The following GNG7 variants were observed in gnomAD, a reference collection of about 807,000 sequenced individuals.
GNG7 encodes the protein guanine nucleotide-binding protein G(I)/G(S)/G(O) subunit gamma-7.
Under a neutral mutation model 4.0 loss-of-function variants are expected in GNG7, and 1 was observed. The observed-to-expected ratio is 0.25, with a 90% CI of 0.09 to 1.18. The LOEUF (loss-of-function observed/expected upper bound fraction) is 1.18, where lower values mean the gene tolerates loss of function less well. Among genes scored for constraint, GNG7 ranks in the 50% most tolerant of loss-of-function variants. The probability of loss-of-function intolerance (pLI) is 0.50; values close to 1 mark genes in which losing one functional copy is unlikely to be tolerated. For synonymous variants in GNG7, 34 were observed against 36.9 expected (o/e 0.92, Z 0.29); for missense variants, 86 against 91.9 (o/e 0.94, Z 0.26).
rs1185141473 is a variant in GNG7, at chr19:2,614,130, T to A, written c.-78+32094A>T. Among the ~76,000 whole-genome samples, 1 of 152,144 alleles carries A rather than the reference T, an allele frequency of 6.6e-6. No homozygotes were observed. Among genetic ancestry groups the A allele is most frequent in the East Asian group, 1.9e-4 (1 of 5,196 alleles). Reference sequence around the variant, plus strand: ...GCGAGACCACATCCTCACCACCCGGTGAACGGCACTGGGAGCAGACTCAAG... The same window carrying A: ...GCGAGACCACATCCTCACCACCCGGAGAACGGCACTGGGAGCAGACTCAAG... On this transcript the variant is annotated intron_variant, in intron 2 of 4. Transcript: ENST00000382159. The surrounding 1 kb of genome is among the most constrained non-coding windows in gnomAD (Gnocchi z 6.0).
At chr19:2,527,990 A>G (rs1436594959) in intron 3 of GNG7, among the ~76,000 whole-genome samples, 2 of 152,068 alleles carry the variant, frequency 1.3e-5, no homozygotes, top group African/African-American at 4.8e-5. Context: ...AAAATATGCT[A>G]GGCGTGGTGG....
intron 2 of GNG7, among the ~76,000 whole-genome samples, chr19:2,588,378 C>A (rs1322041135): frequency 1.3e-5 from 2 of 152,186 alleles, no homozygotes; most frequent in Non-Finnish European, 2.9e-5. Flanking sequence ...TAAACCAGCA[C>A]GACGCGGCTC....
chr19:2,635,665 C>T (rs2144847764), intron 2 of GNG7, among the ~76,000 whole-genome samples: 1 of 151,646 alleles, frequency 6.6e-6, no homozygotes, highest in Admixed American at 6.6e-5. Flanking sequence ...TCACTGCAAC[C>T]TCTGCCTCCC....
chr19:2,581,262 T>A (rs1980495319), intron 2 of GNG7, among the ~76,000 whole-genome samples: 1 of 138,548 alleles, frequency 7.2e-6, no homozygotes, highest in African/African-American at 2.7e-5. Context: ...AGAGTTTGTC[T>A]AAAAGTGCCC....
At position 2,557,962 on chromosome 19, in the gene GNG7, C is replaced by A. The variant is rs746944134; in HGVS notation, c.-77-2774G>T. On this transcript the variant is annotated intron_variant, in intron 2 of 4. Coordinates refer to ENST00000382159, the MANE Select transcript of GNG7 (RefSeq NM_052847.3). This position sits in a 1 kb window ranked among gnomAD's most constrained non-coding sequence, Gnocchi z 5.1. ...GTACAAGCGACTCTCCTGCCTCAGC[C>A]TCTCAAGTAGCTGGGACTACAGGCA... Among the ~76,000 whole-genome samples the A allele has an allele frequency of 4.6e-5, 7 of 152,130 alleles. No homozygotes were observed. The highest frequency in any genetic ancestry group is 1.0e-4 in the Non-Finnish European group (7 of 68,028).
In GNG7 at chr19:2,662,259, C is replaced by CAAA. The variant is rs5826780; in HGVS notation, c.-134-15982_-134-15980dup. Among the ~76,000 whole-genome samples, 156 of 73,588 alleles carry CAAA rather than the reference C, an allele frequency of 2.1e-3. 2 individuals are homozygous for CAAA. Among genetic ancestry groups the CAAA allele is most frequent in the African/African-American group, 7.7e-3 (149 of 19,446 alleles). 48.3% of individuals were successfully genotyped at this position (73,588 alleles called of 152,430 possible). A position where few individuals can be genotyped will look rare whatever the true frequency, so the allele number is the denominator to read the frequency against. ...TGGGCGACAGAGCGAGACTCCATCT[C>CAAA]AAAAAAAAAAAAAAAAAAAAATCAA... On this transcript the variant is annotated intron_variant, in intron 1 of 4. Coordinates refer to ENST00000382159, the MANE Select transcript of GNG7 (RefSeq NM_052847.3).
At chr19:2,579,367 C>A (rs1372024169) in intron 2 of GNG7, among the ~76,000 whole-genome samples, 1 of 152,240 alleles carries the variant, frequency 6.6e-6, no homozygotes, top group South Asian at 2.1e-4. Context: ...GGAGGGCAGG[C>A]ACCTGGCACC....
chr19:2,613,727 G>A (rs887584075), intron 2 of GNG7, among the ~76,000 whole-genome samples: 2 of 151,394 alleles, frequency 1.3e-5, no homozygotes, highest in East Asian at 3.9e-4. Context: ...AGGTGCTCCC[G>A]GCATGGAGTG....
intron 3 of GNG7, among the ~76,000 whole-genome samples, chr19:2,521,438 G>A (rs1454393827): frequency 6.6e-6 from 1 of 152,034 alleles, no homozygotes; most frequent in African/African-American, 2.4e-5. Context: ...TGTGGGGGGT[G>A]CTCCTGGCAT....
intron 2 of GNG7, among the ~76,000 whole-genome samples, chr19:2,620,455 T>G (rs1346362117): frequency 4.0e-5 from 6 of 151,836 alleles, no homozygotes; most frequent in Non-Finnish European, 5.9e-5. Context: ...CACTCCAGTC[T>G]CAGACCAACA....
chr19:2,558,511 G>T (rs1389740054), intron 2 of GNG7, among the ~76,000 whole-genome samples: 1 of 152,076 alleles, frequency 6.6e-6, no homozygotes, highest in Non-Finnish European at 1.5e-5. Flanking sequence ...TGGATGACAG[G>T]TGTGTGCCAC....
intron 2 of GNG7, among the ~76,000 whole-genome samples, chr19:2,597,821 A>G (rs1223609974): frequency 6.0e-5 from 9 of 149,872 alleles, no homozygotes; most frequent in African/African-American, 2.0e-4. Flanking sequence ...GCGTGAACCC[A>G]GGAGGCAGAG....
chr19:2,530,015 C>T (rs575058433), intron 3 of GNG7, among the ~76,000 whole-genome samples: 6 of 152,344 alleles, frequency 3.9e-5, no homozygotes, highest in East Asian at 1.9e-4. Context: ...TCCTTCTAAA[C>T]GACTTGGACT....
chr19:2,534,916 G>A (rs959001734), intron 3 of GNG7, among the ~76,000 whole-genome samples: 1 of 152,176 alleles, frequency 6.6e-6, no homozygotes, highest in African/African-American at 2.4e-5. Flanking sequence ...GATTAGATGA[G>A]GCCCCCACAT....
intron 2 of GNG7, among the ~76,000 whole-genome samples, chr19:2,601,497 G>A (rs1160701677): frequency 6.6e-6 from 1 of 152,158 alleles, no homozygotes; most frequent in African/African-American, 2.4e-5. Flanking sequence ...CCAGGAACAA[G>A]GACTGGGCAA....
chr19:2,690,234 T>C (rs1310951806), intron 1 of GNG7, among the ~76,000 whole-genome samples: 1 of 151,820 alleles, frequency 6.6e-6, no homozygotes, highest in Non-Finnish European at 1.5e-5. Flanking sequence ...ATACAAAAAT[T>C]AGCCGAGTGT....
At chr19:2,587,392 G>A (rs1980707549) in intron 2 of GNG7, among the ~76,000 whole-genome samples, 1 of 152,172 alleles carries the variant, frequency 6.6e-6, no homozygotes, top group Non-Finnish European at 1.5e-5. Flanking sequence ...AGGGCAGAGG[G>A]CTCCCCGGGC....
At chr19:2,678,173 C>T (rs535152525) in intron 1 of GNG7, among the ~76,000 whole-genome samples, 25 of 152,208 alleles carry the variant, frequency 1.6e-4, no homozygotes, top group African/African-American at 5.3e-4. Context: ...TGGCGGTGGC[C>T]GACGCCAACA....
chr19:2,541,734 T>C (rs866279629), intron 3 of GNG7, among the ~76,000 whole-genome samples: 6 of 115,362 alleles, frequency 5.2e-5, no homozygotes, highest in Admixed American at 3.5e-4. Flanking sequence ...ACAGCAAGAC[T>C]CCATCAAAAA....
Sources: allele counts gnomAD v4.1 joint callset (sites outside exome capture counted in the v4.1 genomes callset), GRCh38; gene constraint gnomAD v4.1.1; non-coding constraint Gnocchi (gnomAD v3.1); transcripts MANE v1.5; gene names NCBI Gene and HGNC (gene_info 2026-07-23, HGNC 2026-07-21).